The following PPARG variants were observed in gnomAD, a reference collection of about 807,000 sequenced individuals.
PPARG encodes the protein peroxisome proliferator activated receptor gamma, also known as peroxisome proliferator-activated receptor gamma.
Under a neutral mutation model 39.2 loss-of-function variants are expected in PPARG, and 17 were observed. The observed-to-expected ratio is 0.43, with a 90% CI of 0.30 to 0.65. PPARG has a LOEUF of 0.65. Among genes scored for constraint, PPARG ranks in the 30% least tolerant of loss-of-function variants. PPARG has a pLI of 0.13. For missense variants in PPARG, 406 were observed against 585.9 expected (o/e 0.69, Z 3.17); for synonymous variants, 223 against 215.7 (o/e 1.03, Z -0.30).
At chr3:12,409,614 T>C (rs1239337107) in intron 6 of PPARG, among the ~76,000 whole-genome samples, 1 of 134,582 alleles carries the variant, frequency 7.4e-6, no homozygotes, top group Non-Finnish European at 1.7e-5. Flanking sequence ...GGGAGGTATA[T>C]AAAAGTGGCT....
chr3:12,427,687 T>C (rs1012056843), intron 7 of PPARG, among the ~76,000 whole-genome samples: 1 of 152,194 alleles, frequency 6.6e-6, no homozygotes, highest in Non-Finnish European at 1.5e-5. Flanking sequence ...AGGACTCAAG[T>C]CTTCAGTTTC....
chr3:12,406,521 C>T (rs1376927307), intron 6 of PPARG: 1 of 119,320 alleles, frequency 8.4e-6, no homozygotes, highest in Non-Finnish European at 2.0e-5. Context: ...GGAGAACTAC[C>T]AGAGTTACCT....
chr3:12,415,953 A>C (rs1417829634), intron 6 of PPARG, among the ~76,000 whole-genome samples: 2 of 152,250 alleles, frequency 1.3e-5, no homozygotes, highest in Non-Finnish European at 2.9e-5. Flanking sequence ...AAATTTTTTT[A>C]AACCTGTAGT....
rs753817211 is a variant in PPARG, at chr3:12,379,909, C to T, written c.198C>T (p.Asp66=). The T allele has an allele frequency of 1.7e-5, 27 of 1,608,976 alleles. No individual in the cohort carries two copies. Among genetic ancestry groups the T allele is most frequent in the African/African-American group, 1.2e-4 (9 of 74,772 alleles). ...TDPVVADYKY[D]LKLQEYQSAI... ...CAGTGGTTGCAGATTACAAGTATGA[C>T]CTGAAACTTCAAGAGTACCAAAGTA... Residue 66 remains aspartate (D), a synonymous_variant, in exon 3 of 8, where the codon GAC becomes GAT. Transcript: ENST00000651735.
rs756994321 is a variant in PPARG at position 12,405,960 on chromosome 3, A to C, written c.608A>C (p.Asn203Thr). ...AEISSDIDQL[N>T]PESADLRALA... ...ATCTCCAGTGATATCGACCAGCTGA[A>C]TCCAGAGTCCGCTGACCTCCGGGCC... is the stretch of plus-strand genomic sequence containing the variant. Residue 203 changes from asparagine to threonine, a missense_variant, in exon 6 of 8, where the codon AAT becomes ACT. Asn to Thr is a moderately conservative substitution (Grantham distance 65). This residue lies in a region of PPARG where 275 missense variants were observed against 458.0 expected (regional missense o/e 0.60). Coordinates refer to ENST00000651735, the MANE Select transcript of PPARG (RefSeq NM_138711.6). 5 of 1,614,034 alleles carry C rather than the reference A, an allele frequency of 3.1e-6. No homozygotes were observed. The highest frequency in any genetic ancestry group is 3.4e-6 in the Non-Finnish European group (4 of 1,180,012).
At chr3:12,331,120 T>G (rs1396482803) in intron 2 of PPARG, among the ~76,000 whole-genome samples, 1 of 152,172 alleles carries the variant, frequency 6.6e-6, no homozygotes, top group Non-Finnish European at 1.5e-5. Context: ...TTGTTACTAG[T>G]GTGGAGATCT....
intron 4 of PPARG, among the ~76,000 whole-genome samples, chr3:12,392,292 A>G (rs2050104695): frequency 6.6e-6 from 1 of 152,174 alleles, no homozygotes; most frequent in Admixed American, 6.5e-5. Flanking sequence ...ACGGTGTTTT[A>G]TTTGCATTAC....
intron 7 of PPARG, among the ~76,000 whole-genome samples, chr3:12,418,322 T>A (rs1353155543): frequency 6.6e-6 from 1 of 152,172 alleles, no homozygotes; most frequent in Non-Finnish European, 1.5e-5. Context: ...TACTTTCATC[T>A]CTCTGTATAA....
At chr3:12,335,747 C>T (rs1387925001) in intron 2 of PPARG, among the ~76,000 whole-genome samples, 10 of 152,132 alleles carry the variant, frequency 6.6e-5, no homozygotes. Flanking sequence ...ATTCACCCCA[C>T]CACGTTCTAA....
At chr3:12,363,174 C>T (rs931924053) in intron 2 of PPARG, among the ~76,000 whole-genome samples, 1 of 152,182 alleles carries the variant, frequency 6.6e-6, no homozygotes. Context: ...CCCACCTTGG[C>T]CTCCCAAAGT....
chr3:12,337,657 C>T (rs576964666), intron 2 of PPARG, among the ~76,000 whole-genome samples: 38 of 152,254 alleles, frequency 2.5e-4, no homozygotes, highest in African/African-American at 8.7e-4. Flanking sequence ...AGCTGAAAGT[C>T]GAGCCTGGCT....
In PPARG at chr3:12,407,841, G is replaced by A. The variant is rs892949594; in HGVS notation, c.729+1760G>A. ...CAATGAGTTTTCTGATTTGAAAATA[G>A]GTCTTTGATACCTCAACAATAATAT... On this transcript the variant is annotated intron_variant, in intron 6 of 7. Transcript: ENST00000651735. Among the ~76,000 whole-genome samples, 3 of 152,094 alleles carry A rather than the reference G, an allele frequency of 2.0e-5. No individual in the cohort carries two copies. The East Asian group carries it at 5.8e-4, about 29-fold the overall frequency.
intron 7 of PPARG, among the ~76,000 whole-genome samples, chr3:12,419,926 T>C (rs530582687): frequency 1.1e-3 from 165 of 152,364 alleles, no homozygotes; most frequent in South Asian, 2.1e-3. Context: ...TCTTTGTTAA[T>C]AGTTTTTGTT....
intron 2 of PPARG, among the ~76,000 whole-genome samples, chr3:12,366,303 T>G (rs1001526543): frequency 6.6e-6 from 1 of 152,092 alleles, no homozygotes; most frequent in African/African-American, 2.4e-5. Context: ...CCTGCAACCT[T>G]GCTATAATCA....
chr3:12,434,115 C>T lies in PPARG; in HGVS notation c.1398C>T (p.Leu466=), dbSNP rs762807818. 37 of 1,613,698 alleles carry T rather than the reference C, an allele frequency of 2.3e-5. 1 individual carries two copies. In the South Asian group the frequency reaches 3.5e-4, roughly 15 times the overall value. The change falls in exon 8 of 8, where the codon CTC becomes CTT. Residue 466 remains leucine, a synonymous_variant. Transcript: ENST00000651735. This position sits in a 1 kb window ranked among gnomAD's most constrained non-coding sequence, Gnocchi z 4.2. ...KTETDMSLHP[L]LQEIYKDLY The stretch of plus-strand genomic sequence containing the variant: ...AGACAGACATGAGTCTTCACCCGCT[C>T]CTGCAGGAGATCTACAAGGACTTGT...
intron 1 of PPARG, chr3:12,301,809 C>G (rs1172047777): frequency 6.6e-6 from 1 of 152,162 alleles, no homozygotes; most frequent in East Asian, 1.9e-4. Context: ...CTTCTCTTAC[C>G]AAGAGAAGAT....
intron 2 of PPARG, among the ~76,000 whole-genome samples, chr3:12,372,827 G>A (rs1397238186): frequency 1.3e-5 from 2 of 152,130 alleles, no homozygotes; most frequent in Non-Finnish European, 2.9e-5. Context: ...AAAAGTCTGC[G>A]CATTGACTAT....
intron 2 of PPARG, among the ~76,000 whole-genome samples, chr3:12,376,084 G>A (rs546317584): frequency 1.3e-5 from 2 of 151,922 alleles, no homozygotes; most frequent in African/African-American, 4.8e-5. Context: ...CGAGTAGCTG[G>A]GATCACAGGC....
chr3:12,347,218 C>T (rs951684795), intron 2 of PPARG, among the ~76,000 whole-genome samples: 1 of 150,984 alleles, frequency 6.6e-6, no homozygotes, highest in African/African-American at 2.4e-5. Flanking sequence ...AGTGTGGTGG[C>T]GAGCAACTGA....
Sources: gnomAD v4.1 joint callset for allele counts (sites outside exome capture counted in the v4.1 genomes callset) on GRCh38, gnomAD v4.1.1 for gene constraint, gnomAD v4.1.1 regional missense constraint, Gnocchi (gnomAD v3.1) non-coding constraint, MANE v1.5 for transcripts, NCBI Gene and HGNC (gene_info 2026-07-23, HGNC 2026-07-21) for gene names.